AKAP6: variants seen among roughly 807,000 people sequenced by gnomAD.
The protein encoded by AKAP6 is A-kinase anchoring protein 6, also known as A-kinase anchor protein 6.
Under a neutral mutation model 188.5 loss-of-function variants are expected in AKAP6, and 58 were observed. The observed-to-expected ratio is 0.31, with a 90% CI of 0.25 to 0.38. The LOEUF (loss-of-function observed/expected upper bound fraction) is 0.38. Ranked by LOEUF, AKAP6 falls within the 10% of genes least tolerant of loss-of-function variation. The pLI is 1.00. For missense variants in AKAP6, 2,710 were observed against 2,740.0 expected, an observed-to-expected ratio of 0.99 and a Z score of 0.24; for synonymous variants, 989 against 998.6, an observed-to-expected ratio of 0.99 and a Z score of 0.18.
In AKAP6 at chr14:32,823,346, A is replaced by T; in HGVS notation, c.5533A>T (p.Ile1845Phe). ...EMTNPSDTLN[I>F]ETLLNGSVKR... is the part of the protein sequence containing the mutation. Reference sequence around the variant, plus strand: ...GACCAATCCCTCTGATACTCTGAATATTGAGACCCTTCTAAATGGCTCTGT... The same window carrying T: ...GACCAATCCCTCTGATACTCTGAATTTTGAGACCCTTCTAAATGGCTCTGT... The change falls in exon 13 of 14, where the codon ATT (isoleucine) becomes TTT (phenylalanine). Residue 1845 changes from isoleucine (I) to phenylalanine (F), a missense_variant. Physicochemically the swap from Ile to Phe is conservative, Grantham distance 21. This residue lies in a region of AKAP6 where 2,473 missense variants were observed against 2,426.1 expected (regional missense o/e 1.02). Transcript: ENST00000280979. 1.2e-6 allele frequency: 2 copies of T among 1,613,838 alleles called. No individual in the cohort carries two copies. The highest frequency in any genetic ancestry group is 1.7e-5 in the Admixed American group (1 of 59,960).
intron 7 of AKAP6, among the ~76,000 whole-genome samples, chr14:32,673,274 A>G (rs1400411952): frequency 6.6e-6 from 1 of 152,162 alleles, no homozygotes; most frequent in African/African-American, 2.4e-5. Context: ...ATCCTTCCCT[A>G]CAATAATTTC....
At chr14:32,384,859 A>G (rs1236131527) in intron 1 of AKAP6, among the ~76,000 whole-genome samples, 2 of 152,262 alleles carry the variant, frequency 1.3e-5, no homozygotes, top group East Asian at 3.9e-4. Flanking sequence ...AGAGATTAAA[A>G]TGGGGTCTGT....
At chr14:32,477,012 G>A (rs1879103398) in intron 2 of AKAP6, among the ~76,000 whole-genome samples, 1 of 152,176 alleles carries the variant, frequency 6.6e-6, no homozygotes, top group Non-Finnish European at 1.5e-5. Context: ...AGGAGATGAA[G>A]CTTTATCTAA....
intron 3 of AKAP6, among the ~76,000 whole-genome samples, chr14:32,540,168 C>CTCTCTCTATATATATA (rs1240063339): frequency 3.3e-4 from 20 of 60,904 alleles, no homozygotes; most frequent in African/African-American, 2.0e-3. Flanking sequence ...CTCTCTCTCT[C>CTCTCTCTATATATATA]TATATATATA....
intron 9 of AKAP6, among the ~76,000 whole-genome samples, chr14:32,707,479 A>G (rs1489953203): frequency 6.6e-6 from 1 of 152,058 alleles, no homozygotes; most frequent in African/African-American, 2.4e-5. Context: ...AGTTAAATGC[A>G]TATTTTAAAA....
intron 1 of AKAP6, among the ~76,000 whole-genome samples, chr14:32,384,065 C>T (rs868167620): frequency 5.3e-5 from 8 of 152,142 alleles, no homozygotes; most frequent in African/African-American, 1.9e-4. Context: ...ATGTGATGTA[C>T]AGTGCTGGAA....
At chr14:32,801,899 GT>G (rs1372456404) in intron 12 of AKAP6, among the ~76,000 whole-genome samples, 5 of 152,076 alleles carry the variant, frequency 3.3e-5, no homozygotes, top group African/African-American at 7.2e-5. Context: ...TATGGATACA[GT>G]TTTTTATCCT....
At chr14:32,608,415 G>A (rs1004523384) in intron 7 of AKAP6, among the ~76,000 whole-genome samples, 1 of 150,016 alleles carries the variant, frequency 6.7e-6, no homozygotes, top group Non-Finnish European at 1.5e-5. Flanking sequence ...CAGGAGGATC[G>A]CTTGAACCTG....
rs767158034 is a variant in AKAP6, at chr14:32,433,823, G to T, written c.324+6G>T. 1 of 1,610,178 alleles carries T rather than the reference G, an allele frequency of 6.2e-7. No individual in the cohort carries two copies. Among genetic ancestry groups the T allele is most frequent in the Non-Finnish European group, 8.5e-7 (1 of 1,178,734 alleles). Reference sequence around the variant, plus strand: ...TACATCTAGTTCAACTAAAGGTAAGGCAAGGTCTGTGATCCTCTCAGGATA... The same window carrying T: ...TACATCTAGTTCAACTAAAGGTAAGTCAAGGTCTGTGATCCTCTCAGGATA... On this transcript the variant is annotated splice_donor_region_variant and intron_variant, in intron 2 of 13. Coordinates refer to ENST00000280979, the MANE Select transcript of AKAP6 (RefSeq NM_004274.5).
intron 8 of AKAP6, among the ~76,000 whole-genome samples, chr14:32,686,903 A>G (rs1364830977): frequency 1.3e-5 from 2 of 152,258 alleles, no homozygotes; most frequent in South Asian, 2.1e-4. Flanking sequence ...GGCAATGTCT[A>G]CAGATAGAGA....
At chr14:32,388,940 G>C (rs919906911) in intron 1 of AKAP6, among the ~76,000 whole-genome samples, 1 of 152,212 alleles carries the variant, frequency 6.6e-6, no homozygotes, top group East Asian at 1.9e-4. Flanking sequence ...GTCTAGTGCT[G>C]TCAGTGGAGT....
intron 2 of AKAP6, among the ~76,000 whole-genome samples, chr14:32,449,848 T>C (rs1566509022): frequency 6.6e-6 from 1 of 152,178 alleles, no homozygotes; most frequent in Admixed American, 6.5e-5. Context: ...AGTGGTTAAT[T>C]TAGTTCAAAC....
chr14:32,698,386 CT>C (rs1890490095), intron 9 of AKAP6, among the ~76,000 whole-genome samples: 1 of 152,096 alleles, frequency 6.6e-6, no homozygotes. Context: ...AGGAGTAAAG[CT>C]TTTCAATTGG....
chr14:32,625,271 T>G (rs1017984838), intron 7 of AKAP6, among the ~76,000 whole-genome samples: 1 of 152,122 alleles, frequency 6.6e-6, no homozygotes, highest in Admixed American at 6.6e-5. Flanking sequence ...TTAAGCTCAA[T>G]TACACATCCA....
At position 32,614,812 on chromosome 14, in the gene AKAP6, C is replaced by T. The variant is rs564492809; in HGVS notation, c.2730+14020C>T. ...GCTCCCTTTGCACAGCTAATTGATG[C>T]ACTTCTGGCCAGTGAGATATGAAGA... is the stretch of plus-strand genomic sequence containing the variant. On this transcript the variant is annotated intron_variant, in intron 7 of 13. Coordinates refer to ENST00000280979, the MANE Select transcript of AKAP6 (RefSeq NM_004274.5). Among the ~76,000 whole-genome samples, 3 of 152,142 alleles carry T rather than the reference C, an allele frequency of 2.0e-5. No individual in the cohort carries two copies. The South Asian group carries it at 6.2e-4, about 32-fold the overall frequency.
At position 32,384,124 on chromosome 14, in the gene AKAP6, G is replaced by A. The variant is rs539969225; in HGVS notation, c.-34-49336G>A. Among the ~76,000 whole-genome samples the A allele has an allele frequency of 5.9e-5, 9 of 152,312 alleles. No individual in the cohort carries two copies. In the East Asian group the frequency reaches 1.7e-3, roughly 29 times the overall value. ...AGCACTCTGCTAACTAAAGGCTTAC[G>A]TTTGGTAAATGCTATGATGGCGCAA... On this transcript the variant is annotated intron_variant, in intron 1 of 13. Transcript: ENST00000280979.
At chr14:32,336,558 A>G (rs1469362552) in intron 1 of AKAP6, among the ~76,000 whole-genome samples, 1 of 152,172 alleles carries the variant, frequency 6.6e-6, no homozygotes, top group Non-Finnish European at 1.5e-5. Flanking sequence ...CATACATTTA[A>G]CATGGTGTTG....
chr14:32,516,615 A>T (rs1273973984), intron 2 of AKAP6, among the ~76,000 whole-genome samples: 1 of 152,236 alleles, frequency 6.6e-6, no homozygotes, highest in African/African-American at 2.4e-5. Context: ...AACGAAAAGT[A>T]AGTATGAGAT....
chr14:32,829,691 C>T (rs1319538375), intron 13 of AKAP6, among the ~76,000 whole-genome samples, 157 bp from the exon 14 acceptor site: 1 of 151,408 alleles, frequency 6.6e-6, no homozygotes, highest in Non-Finnish European at 1.5e-5. Flanking sequence ...GAAGCTTGGG[C>T]TATTAAAATT....
Sources: gnomAD v4.1 joint callset for allele counts (sites outside exome capture counted in the v4.1 genomes callset) on GRCh38, gnomAD v4.1.1 for gene constraint, gnomAD v4.1.1 regional missense constraint, MANE v1.5 for transcripts, NCBI Gene and HGNC (gene_info 2026-07-23, HGNC 2026-07-21) for gene names.